The following ACOD1 variants were observed in gnomAD, a reference collection of about 807,000 sequenced individuals.
The protein encoded by ACOD1 is aconitate decarboxylase 1, also known as cis-aconitate decarboxylase.
Under a neutral mutation model 14.2 loss-of-function variants are expected in ACOD1, and 14 were observed. The observed-to-expected ratio is 0.99, with a 90% CI of 0.65 to 1.54. The LOEUF is 1.54. ACOD1 is among the 40% of genes most tolerant of loss of function. The pLI is 0.00. For synonymous variants in ACOD1, 182 were observed against 221.7 expected, an observed-to-expected ratio of 0.82 and a Z score of 1.59; for missense variants, 530 against 586.3, an observed-to-expected ratio of 0.90 and a Z score of 0.99.
Position 76,957,908 on chromosome 13 carries a change from C to T in ACOD1, c.1369C>T (p.Leu457Phe), listed in dbSNP as rs1011734005. 6.5e-7 allele frequency: 1 copy of T among 1,550,246 alleles called. No homozygotes were observed. Among genetic ancestry groups the T allele is most frequent in the African/African-American group, 1.4e-5 (1 of 73,024 alleles). Residue 457 changes from leucine (L) to phenylalanine (F), a missense_variant, in exon 5 of 5, where the codon CTT (leucine) becomes TTT (phenylalanine). Leu to Phe is a conservative substitution (Grantham distance 22). Coordinates refer to ENST00000377462, the MANE Select transcript of ACOD1 (RefSeq NM_001258406.2). Reference protein sequence around the residue: ...DLEDCSVLTTLLKGPSPPEVA... With the variant: ...DLEDCSVLTTFLKGPSPPEVA... ...AGAAGACTGTTCTGTGTTAACTACACTTCTCAAAGGACCCTCTCCACCAGA... is the reference window on the plus strand; with the variant it reads ...AGAAGACTGTTCTGTGTTAACTACATTTCTCAAAGGACCCTCTCCACCAGA...
chr13:76,950,946 C>T (rs1347499341), intron 1 of ACOD1, among the ~76,000 whole-genome samples: 2 of 152,132 alleles, frequency 1.3e-5, no homozygotes. Flanking sequence ...AAACTCCCTC[C>T]ACTCTCTCAC....
Position 76,958,270 on chromosome 13 carries a change from G to T in ACOD1, c.*285G>T, listed in dbSNP as rs1593893098. On this transcript the variant is annotated 3_prime_UTR_variant, in exon 5 of 5. Coordinates refer to ENST00000377462, the MANE Select transcript of ACOD1 (RefSeq NM_001258406.2). ...TACTTATAAAATTAATCTCTTCATA[G>T]GAATTATGTGTGGACTTCATGAGCC... is the stretch of plus-strand genomic sequence containing the variant. The T allele has an allele frequency of 3.4e-6, 1 of 297,268 alleles. No homozygotes were observed. Among genetic ancestry groups the T allele is most frequent in the Non-Finnish European group, 6.3e-6 (1 of 159,462 alleles). The allele number at this position is 297,268 out of a possible 1,614,324, so 18.4% of individuals were successfully genotyped here. A position where few individuals can be genotyped will look rare whatever the true frequency, so the allele number is the denominator to read the frequency against.
chr13:76,950,123 G>C (rs2033808588), intron 1 of ACOD1, among the ~76,000 whole-genome samples: 1 of 152,202 alleles, frequency 6.6e-6, no homozygotes, highest in African/African-American at 2.4e-5. Context: ...AGGACGTTCA[G>C]CTAGGCACGG....
At chr13:76,955,892 T>C (rs1029265444) in intron 4 of ACOD1, among the ~76,000 whole-genome samples, 4 of 152,232 alleles carry the variant, frequency 2.6e-5, no homozygotes, top group Non-Finnish European at 5.9e-5. Context: ...TGACTGTTCA[T>C]CCTGCAGATA....
chr13:76,955,126 C>CAAAAAAAA (rs34230053), intron 3 of ACOD1, among the ~76,000 whole-genome samples, 193 bp from the exon 4 acceptor site: 9 of 98,874 alleles, frequency 9.1e-5, no homozygotes, highest in East Asian at 3.4e-4. Flanking sequence ...GACTCTGTCT[C>CAAAAAAAA]AAAAAAAAAA....
At position 76,957,956 on chromosome 13, in the gene ACOD1, T is replaced by A. The variant is rs1345314627; in HGVS notation, c.1417T>A (p.Cys473Ser). Residue 473 changes from cysteine (C) to serine (S), a missense_variant, in exon 5 of 5, where the codon TGT (cysteine) becomes AGT (serine). By Grantham distance (112) the Cys-to-Ser change is moderately radical. Transcript: ENST00000377462. ...PPEVASNSPA[C>S]NNSITNLS ...AGAGGTAGCTTCAAACTCTCCAGCA[T>A]GTAATAATTCTATCACAAATCTCTC... 3.9e-6 allele frequency: 6 copies of A among 1,538,262 alleles called. No individual in the cohort carries two copies. The highest frequency in any genetic ancestry group is 5.2e-6 in the Non-Finnish European group (6 of 1,143,290).
chr13:76,957,196 A>G lies in ACOD1; in HGVS notation c.657A>G (p.Ile219Met), dbSNP rs553984593. ...LHIGNAAKHG[I>M]EAAFLAMLGL... ...TTGGCAATGCTGCCAAGCATGGGAT[A>G]GAAGCTGCATTTTTGGCAATGTTGG... Residue 219 changes from isoleucine to methionine, a missense_variant, in exon 5 of 5, where the codon ATA (isoleucine) becomes ATG (methionine). Physicochemically the swap from Ile to Met is conservative, Grantham distance 10 (BLOSUM62 1). Transcript: ENST00000377462. The G allele has an allele frequency of 1.9e-6, 3 of 1,550,658 alleles. No individual in the cohort carries two copies. In the Admixed American group the frequency reaches 5.9e-5, roughly 30 times the overall value.
In ACOD1 at chr13:76,957,504, C is replaced by T; in HGVS notation, c.965C>T (p.Pro322Leu). Residue 322 changes from proline (P) to leucine (L), a missense_variant, in exon 5 of 5, where the codon CCC becomes CTC. Transcript: ENST00000377462. Reference protein sequence around the residue: ...RIPNVQYVNRPFPVSEHEARH... With the variant: ...RIPNVQYVNRLFPVSEHEARH... ...CCAAATGTCCAGTATGTAAACAGGCCCTTTCCAGTTTCGGAGCATGAAGCC... is the reference window on the plus strand; with the variant it reads ...CCAAATGTCCAGTATGTAAACAGGCTCTTTCCAGTTTCGGAGCATGAAGCC... 1.3e-6 allele frequency: 2 copies of T among 1,550,534 alleles called. No individual in the cohort carries two copies. The highest frequency in any genetic ancestry group is 2.0e-5 in the Admixed American group (1 of 50,992).
At chr13:76,949,065 A>T (rs1426521067) in intron 1 of ACOD1, among the ~76,000 whole-genome samples, 1 of 152,058 alleles carries the variant, frequency 6.6e-6, no homozygotes, top group Non-Finnish European at 1.5e-5. Flanking sequence ...GGGGAGATCG[A>T]CACCATGCTC....
Position 76,955,333 on chromosome 13 carries a change from T to C in ACOD1, c.279T>C (p.Asp93=). The C allele has an allele frequency of 6.5e-7, 1 of 1,550,334 alleles. No individual in the cohort carries two copies. Among genetic ancestry groups the C allele is most frequent in the Non-Finnish European group, 8.7e-7 (1 of 1,146,916 alleles). ...FVNGVAIHSM[D]FDDTWHPATH... ...TGTTTATACAGATTCACTCCATGGA[T>C]TTTGATGACACGTGGCACCCTGCCA... Residue 93 remains aspartate, a synonymous_variant, in exon 4 of 5, where the codon GAT becomes GAC. Transcript: ENST00000377462.
intron 1 of ACOD1, among the ~76,000 whole-genome samples, chr13:76,951,019 C>A (rs995633162): frequency 1.3e-5 from 2 of 152,182 alleles, no homozygotes; most frequent in Non-Finnish European, 2.9e-5. Context: ...TCACCCTACA[C>A]TATTATCTGA....
chr13:76,951,291 G>A (rs746121860), intron 1 of ACOD1, among the ~76,000 whole-genome samples: 40 of 151,976 alleles, frequency 2.6e-4, no homozygotes, highest in Non-Finnish European at 4.7e-4. Flanking sequence ...GCGGGAGTGC[G>A]GTGGCATGAT....
At chr13:76,949,607 A>G (rs1346909954) in intron 1 of ACOD1, among the ~76,000 whole-genome samples, 1 of 151,990 alleles carries the variant, frequency 6.6e-6, no homozygotes, top group Non-Finnish European at 1.5e-5. Flanking sequence ...CCAGGGCTCC[A>G]TGTCACCACC....
Position 76,958,096 on chromosome 13 carries a change from A to G in ACOD1, c.*111A>G. The G allele has an allele frequency of 8.9e-7, 1 of 1,129,374 alleles. No homozygotes were observed. The highest frequency in any genetic ancestry group is 1.2e-6 in the Non-Finnish European group (1 of 824,470). 70.0% of individuals were successfully genotyped at this position (1,129,374 alleles called of 1,614,324 possible). ...AGGAAAAATGAACAAAGATGGAGAG[A>G]GTCCAGAAACAGAACTACATATATC... On this transcript the variant is annotated 3_prime_UTR_variant, in exon 5 of 5. Transcript: ENST00000377462.
In ACOD1 at chr13:76,957,379, C is replaced by T; in HGVS notation, c.840C>T (p.Thr280=). 2 of 1,550,634 alleles carry T rather than the reference C, an allele frequency of 1.3e-6. No homozygotes were observed. Among genetic ancestry groups the T allele is most frequent in the Non-Finnish European group, 1.7e-6 (2 of 1,147,002 alleles). Residue 280 remains threonine, a synonymous_variant, in exon 5 of 5, where the codon ACC becomes ACT. Transcript: ENST00000377462. ...AGCGTTTTCCTGCACATTTATCTAC[C>T]CACTGGGTGGCAGACGCAGCTGCAT... ...AFKRFPAHLS[T]HWVADAAASV...
intron 1 of ACOD1, among the ~76,000 whole-genome samples, chr13:76,950,396 C>G (rs1259469840): frequency 6.6e-6 from 1 of 152,206 alleles, no homozygotes; most frequent in Non-Finnish European, 1.5e-5. Context: ...AATAGATGCT[C>G]TCTTGTGAAA....
At position 76,957,595 on chromosome 13, in the gene ACOD1, C is replaced by A. The variant is rs746370490; in HGVS notation, c.1056C>A (p.Phe352Leu). The change falls in exon 5 of 5, where the codon TTC becomes TTA. Residue 352 changes from phenylalanine (F) to leucine (L), a missense_variant. Physicochemically the swap from Phe to Leu is conservative, Grantham distance 22 (BLOSUM62 0). Transcript: ENST00000377462. ...LLDGGITVPS[F>L]HECQINRPQV... ...ATGGTGGCATCACTGTCCCCTCATT[C>A]CATGAATGCCAGATCAACAGGCCAC... 16 of 1,550,516 alleles carry A rather than the reference C, an allele frequency of 1.0e-5. No individual in the cohort carries two copies. The highest frequency in any genetic ancestry group is 1.4e-5 in the Non-Finnish European group (16 of 1,147,022).
Position 76,958,159 on chromosome 13 carries a change from T to C in ACOD1, c.*174T>C. ...TCTCCTGAAAATTTTGCAGGACAGT[T>C]CCACTTACCTAAATCAAGATGAAAC... On this transcript the variant is annotated 3_prime_UTR_variant, in exon 5 of 5. Coordinates refer to ENST00000377462, the MANE Select transcript of ACOD1 (RefSeq NM_001258406.2). 1 of 558,758 alleles carries C rather than the reference T, an allele frequency of 1.8e-6. No individual in the cohort carries two copies. The highest frequency in any genetic ancestry group is 3.1e-5 in the South Asian group (1 of 32,608). The allele number at this position is 558,758 out of a possible 1,614,324, so 34.6% of individuals were successfully genotyped here.
chr13:76,952,386 G>T, intron 1 of ACOD1, 103 bp from the exon 2 acceptor site: 2 of 968,656 alleles, frequency 2.1e-6, no homozygotes, highest in Non-Finnish European at 3.0e-6. Flanking sequence ...TTCTTGTAGT[G>T]GAGCAAAACT....
Sources: allele counts gnomAD v4.1 joint callset (sites outside exome capture counted in the v4.1 genomes callset), GRCh38; gene constraint gnomAD v4.1.1; transcripts MANE v1.5; gene names NCBI Gene and HGNC (gene_info 2026-07-23, HGNC 2026-07-21).